DESI1: variants seen among roughly 807,000 people sequenced by gnomAD.
The protein encoded by DESI1 is PPPDE peptidase domain containing 2.
DESI1 carries 17 observed loss-of-function variants against 22.4 expected under a neutral mutation model. The ratio of observed to expected loss-of-function variants is 0.76; its 90% CI spans 0.52 to 1.14. The LOEUF is 1.14. Among genes scored for constraint, DESI1 ranks in the 50% most tolerant of loss-of-function variants. The pLI, the probability that DESI1 is intolerant of heterozygous loss-of-function variation, is 0.00. For synonymous variants in DESI1, 92 were observed against 84.2 expected, an observed-to-expected ratio of 1.09 and a Z score of -0.51; for missense variants, 177 against 208.9, an observed-to-expected ratio of 0.85 and a Z score of 0.94.
chr22:41,604,200 G>A, intron 3 of DESI1, 47 bp from the exon 4 acceptor site: 3 of 1,481,466 alleles, frequency 2.0e-6, no homozygotes, highest in Non-Finnish European at 2.8e-6. Context: ...CATCTCCACT[G>A]AATGTTTTAA....
intron 1 of DESI1, among the ~76,000 whole-genome samples, chr22:41,616,933 C>T (rs2067554737): frequency 6.6e-6 from 1 of 152,148 alleles, no homozygotes; most frequent in Non-Finnish European, 1.5e-5. Context: ...CATTGGAGAA[C>T]TGACATAACT....
At chr22:41,607,696 G>T in intron 2 of DESI1, 144 bp downstream of exon 2, 1 of 979,812 alleles carries the variant, frequency 1.0e-6, no homozygotes, top group Non-Finnish European at 1.6e-6. Flanking sequence ...CAAAAGAACT[G>T]ATGAGAAGCA....
chr22:41,615,866 ATC>A (rs143020595), intron 1 of DESI1, among the ~76,000 whole-genome samples: 6,180 of 152,248 alleles, frequency 0.041, 268 homozygotes, highest in African/African-American at 0.093. Context: ...CCTAATCATA[ATC>A]TGTTTTATAT....
At chr22:41,606,752 C>T (rs1467560328) in intron 3 of DESI1, among the ~76,000 whole-genome samples, 7 of 109,616 alleles carry the variant, frequency 6.4e-5, no homozygotes, top group Non-Finnish European at 8.3e-5. Context: ...TCAGTCTGGG[C>T]GACGGAGCGA....
intron 1 of DESI1, among the ~76,000 whole-genome samples, chr22:41,616,801 TC>T (rs1359825527): frequency 6.6e-6 from 1 of 152,206 alleles, no homozygotes; most frequent in African/African-American, 2.4e-5. Flanking sequence ...TTGAGGCAAT[TC>T]CAGGAGGCTG....
At chr22:41,611,674 C>T (rs763476102) in intron 1 of DESI1, among the ~76,000 whole-genome samples, 1 of 150,030 alleles carries the variant, frequency 6.7e-6, no homozygotes, top group Non-Finnish European at 1.5e-5. Flanking sequence ...CTGACTGTAA[C>T]CTCCGCCTCC....
intron 5 of DESI1, chr22:41,602,468 G>A: frequency 1.0e-6 from 1 of 985,468 alleles, no homozygotes; most frequent in South Asian, 4.7e-5. Flanking sequence ...CTCTTCCTGG[G>A]AGGTGCTTCC....
chr22:41,620,945 G>T lies in DESI1; in HGVS notation c.-106C>A. The T allele has an allele frequency of 7.6e-7, 1 of 1,323,624 alleles. No individual in the cohort carries two copies. Among genetic ancestry groups the T allele is most frequent in the Non-Finnish European group, 1.0e-6 (1 of 958,672 alleles). The allele number at this position is 1,323,624 out of a possible 1,614,324, so 82.0% of individuals were successfully genotyped here. A position where few individuals can be genotyped will look rare whatever the true frequency, so the allele number is the denominator to read the frequency against. On this transcript the variant is annotated 5_prime_UTR_variant, in exon 1 of 6. Transcript: ENST00000263256. The stretch of plus-strand genomic sequence containing the variant: ...CGAAGCGGAGGGAGAGGGGGGGACC[G>T]AGCCCGGGCCCGGGCTGAGGGGTGG...
intron 1 of DESI1, among the ~76,000 whole-genome samples, chr22:41,614,898 CT>C (rs978393450): frequency 1.2e-3 from 169 of 141,838 alleles, no homozygotes; most frequent in African/African-American, 3.0e-3. Context: ...TTTTCTTCTT[CT>C]TTTTTTTTTT....
chr22:41,616,411 G>A (rs17002515), intron 1 of DESI1, among the ~76,000 whole-genome samples: 21,145 of 152,000 alleles, frequency 0.14, 4,028 homozygotes, highest in African/African-American at 0.44. Flanking sequence ...AAATCTTTAA[G>A]TCTGAAAACA....
chr22:41,619,542 A>G (rs1043829429), intron 1 of DESI1, among the ~76,000 whole-genome samples: 4 of 152,178 alleles, frequency 2.6e-5, no homozygotes, highest in African/African-American at 9.7e-5. Flanking sequence ...ATATTTAAAG[A>G]GCTATTCTAA....
At chr22:41,614,780 T>G (rs1219292088) in intron 1 of DESI1, among the ~76,000 whole-genome samples, 3 of 151,492 alleles carry the variant, frequency 2.0e-5, no homozygotes, top group African/African-American at 7.3e-5. Context: ...AGATGGGGTT[T>G]CACTATCTTG....
chr22:41,612,279 C>T (rs560303187), intron 1 of DESI1, among the ~76,000 whole-genome samples: 4 of 151,994 alleles, frequency 2.6e-5, no homozygotes, highest in South Asian at 4.2e-4. Flanking sequence ...GAGGCAGAGG[C>T]GGGCGGATCA....
Position 41,620,818 on chromosome 22 carries a change from G to T in DESI1, c.22C>A (p.Pro8Thr). The change falls in exon 1 of 6, where the codon CCG becomes ACG. Residue 8 changes from proline (P) to threonine (T), a missense_variant. Pro to Thr is a conservative substitution (Grantham distance 38). Coordinates refer to ENST00000263256, the MANE Select transcript of DESI1 (RefSeq NM_015704.3). MEPPNLY[P>T]VKLYVYDLSK... ...AGGTCGTACACGTAGAGCTTCACCGGATAGAGATTCGGCGGCTCCATTGGG... is the reference window on the plus strand; with the variant it reads ...AGGTCGTACACGTAGAGCTTCACCGTATAGAGATTCGGCGGCTCCATTGGG... 6.2e-7 allele frequency: 1 copy of T among 1,612,036 alleles called. No homozygotes were observed.
chr22:41,607,414 T>G, intron 2 of DESI1, 83 bp from the exon 3 acceptor site: 1 of 1,376,788 alleles, frequency 7.3e-7, no homozygotes, highest in Non-Finnish European at 9.9e-7. Context: ...TGAGAGTAAT[T>G]TCTGCCCAAG....
At chr22:41,617,227 C>A (rs2067556274) in intron 1 of DESI1, among the ~76,000 whole-genome samples, 1 of 152,180 alleles carries the variant, frequency 6.6e-6, no homozygotes, top group Non-Finnish European at 1.5e-5. Flanking sequence ...CATAACCCAG[C>A]TCTACCACCT....
intron 1 of DESI1, among the ~76,000 whole-genome samples, chr22:41,609,987 G>A (rs1324273556): frequency 6.6e-6 from 1 of 151,156 alleles, no homozygotes; most frequent in African/African-American, 2.4e-5. Context: ...GGCTGAGGCA[G>A]GAGAATCGCC....
In DESI1 at chr22:41,611,215, C is replaced by T. The variant is rs186256424; in HGVS notation, c.89-3354G>A. 4.4e-4 allele frequency among the ~76,000 whole-genome samples: 67 copies of T among 152,306 alleles called. 2 individuals carry two copies. The highest frequency in any genetic ancestry group is 2.1e-4 in the South Asian group (1 of 4,824). On this transcript the variant is annotated intron_variant, in intron 1 of 5. Coordinates refer to ENST00000263256, the MANE Select transcript of DESI1 (RefSeq NM_015704.3). ...CACGATCTTGGCTCACTGCAACCTCCGCCTCCTGGGCTCAAGCAATTCTGG... is the reference window on the plus strand; with the variant it reads ...CACGATCTTGGCTCACTGCAACCTCTGCCTCCTGGGCTCAAGCAATTCTGG...
Position 41,599,272 on chromosome 22 carries a change from G to A in DESI1, c.*1825C>T, listed in dbSNP as rs1258733871. 6.6e-6 allele frequency: 1 copy of A among 152,156 alleles called. No homozygotes were observed. The highest frequency in any genetic ancestry group is 6.6e-5 in the Admixed American group (1 of 15,260). The allele number at this position is 152,156 out of a possible 1,614,324, so 9.4% of individuals were successfully genotyped here. On this transcript the variant is annotated 3_prime_UTR_variant, in exon 6 of 6. Transcript: ENST00000263256. Reference sequence around the variant, plus strand: ...TGTCAGACCTGAGACTCGGGTACCTGGCAGCTCTGAGTCCCTTCTTCATGC... The same window carrying A: ...TGTCAGACCTGAGACTCGGGTACCTAGCAGCTCTGAGTCCCTTCTTCATGC...
Sources: gnomAD v4.1 joint callset for allele counts (sites outside exome capture counted in the v4.1 genomes callset) on GRCh38, gnomAD v4.1.1 for gene constraint, MANE v1.5 for transcripts, NCBI Gene and HGNC (gene_info 2026-07-23, HGNC 2026-07-21) for gene names.